DACH1: variants seen among roughly 807,000 people sequenced by gnomAD.
The protein encoded by DACH1 is dachshund homolog 1.
DACH1 carries 12 observed loss-of-function variants against 54.2 expected under a neutral mutation model. That is an observed-to-expected ratio of 0.22 (90% confidence interval 0.14 to 0.36). The LOEUF (loss-of-function observed/expected upper bound fraction) is 0.36. Among genes scored for constraint, DACH1 ranks in the 10% least tolerant of loss-of-function variants. The pLI, the probability that DACH1 is intolerant of heterozygous loss-of-function variation, is 1.00. For synonymous variants in DACH1, 386 were observed against 366.2 expected, an observed-to-expected ratio of 1.05 and a Z score of -0.62; for missense variants, 805 against 929.8, an observed-to-expected ratio of 0.87 and a Z score of 1.75.
intron 2 of DACH1, among the ~76,000 whole-genome samples, chr13:71,677,912 G>T (rs893633151): frequency 6.6e-6 from 1 of 152,178 alleles, no homozygotes; most frequent in East Asian, 1.9e-4. Flanking sequence ...TAGAGATGGG[G>T]TTTCACCATG....
chr13:71,807,285 T>C (rs1246258103), intron 1 of DACH1, among the ~76,000 whole-genome samples: 1 of 152,144 alleles, frequency 6.6e-6, no homozygotes, highest in African/African-American at 2.4e-5. Context: ...CATTATTTGC[T>C]AATATATTTA....
intron 6 of DACH1, among the ~76,000 whole-genome samples, chr13:71,496,293 A>ATGTATATATGTATATATG (rs1199715818): frequency 6.1e-5 from 8 of 130,134 alleles, no homozygotes; most frequent in African/African-American, 2.3e-4. Context: ...ATATATATAT[A>ATGTATATATGTATATATG]TATATATATA....
chr13:71,495,736 G>T (rs924955259), intron 6 of DACH1, among the ~76,000 whole-genome samples: 6 of 151,962 alleles, frequency 3.9e-5, no homozygotes, highest in African/African-American at 1.5e-4. Context: ...CAACCTCTAT[G>T]GAAAACAGTA....
chr13:71,656,049 GT>G lies in DACH1; in HGVS notation c.965-25333del, dbSNP rs1172276650. ...ATACTTCAAAGGTTATCATTAGCAA[GT>G]TTTTTAAAGTAAGTTATTTGGGATT... is the stretch of plus-strand genomic sequence containing the variant. On this transcript the variant is annotated intron_variant, in intron 2 of 10. Transcript: ENST00000613252. 5.3e-5 allele frequency among the ~76,000 whole-genome samples: 8 copies of G among 152,332 alleles called. No homozygotes were observed. In the East Asian group the frequency reaches 1.5e-3, roughly 29 times the overall value.
intron 1 of DACH1, among the ~76,000 whole-genome samples, chr13:71,693,888 G>A (rs1881667610): frequency 6.6e-6 from 1 of 152,010 alleles, no homozygotes; most frequent in Non-Finnish European, 1.5e-5. Context: ...AGCAACCATG[G>A]GGGGTCTTGG....
chr13:71,612,165 T>C (rs1237648309), intron 3 of DACH1, among the ~76,000 whole-genome samples: 1 of 152,106 alleles, frequency 6.6e-6, no homozygotes, highest in Non-Finnish European at 1.5e-5. Context: ...GTGTTATGAG[T>C]TATGGCCACA....
intron 1 of DACH1, among the ~76,000 whole-genome samples, chr13:71,791,094 T>A (rs1000520144): frequency 6.6e-6 from 1 of 152,192 alleles, no homozygotes; most frequent in Non-Finnish European, 1.5e-5. Context: ...AGATAGCATT[T>A]CTGTGTATTA....
Position 71,440,662 on chromosome 13 carries a change from A to G in DACH1, c.2114T>C (p.Met705Thr), listed in dbSNP as rs1173370558. ...DGRLYLKTTV[M>T]Y ...TTCTTCAACAGGAAAGATTCAGTACATGACAGTAGTTTTCAAATACAGTCT... is the reference window on the plus strand; with the variant it reads ...TTCTTCAACAGGAAAGATTCAGTACGTGACAGTAGTTTTCAAATACAGTCT... The change falls in exon 11 of 11, where the codon ATG (methionine) becomes ACG (threonine). Residue 705 changes from methionine to threonine, a missense_variant. Physicochemically the swap from Met to Thr is moderately conservative, Grantham distance 81 (BLOSUM62 -1). Coordinates refer to ENST00000613252, the MANE Select transcript of DACH1 (RefSeq NM_080759.6). 1.9e-6 allele frequency: 3 copies of G among 1,604,656 alleles called. No homozygotes were observed. Among genetic ancestry groups the G allele is most frequent in the East Asian group, 2.2e-5 (1 of 44,446 alleles).
intron 1 of DACH1, among the ~76,000 whole-genome samples, chr13:71,787,413 A>G (rs1228136127): frequency 6.6e-6 from 1 of 152,188 alleles, no homozygotes; most frequent in African/African-American, 2.4e-5. Context: ...TATTTTTTAC[A>G]TCTTTAGTTA....
At chr13:71,805,731 G>A (rs953683632) in intron 1 of DACH1, among the ~76,000 whole-genome samples, 3 of 152,090 alleles carry the variant, frequency 2.0e-5, no homozygotes, top group Non-Finnish European at 4.4e-5. Flanking sequence ...TTAGGAGGAG[G>A]TTTTATTTTA....
intron 3 of DACH1, among the ~76,000 whole-genome samples, chr13:71,623,451 A>G (rs1876395084): frequency 6.6e-6 from 1 of 151,828 alleles, no homozygotes; most frequent in African/African-American, 2.4e-5. Flanking sequence ...AAGGATACAT[A>G]GTACCAAGGT....
chr13:71,486,832 C>T lies in DACH1; in HGVS notation c.1722+2165G>A, dbSNP rs1162451352. ...TTTATTTATCTATCTATCTATCTAT[C>T]TATCTATCTATCTATCTATCTATCT... On this transcript the variant is annotated intron_variant, in intron 7 of 10. Transcript: ENST00000613252. 2.8e-3 allele frequency among the ~76,000 whole-genome samples: 396 copies of T among 143,690 alleles called. 2 individuals carry two copies. The East Asian group carries it at 0.031, about 11-fold the overall frequency. The allele number at this position is 143,690 out of a possible 152,430, so 94.3% of individuals were successfully genotyped here.
chr13:71,794,727 C>T (rs550602886), intron 1 of DACH1, among the ~76,000 whole-genome samples: 4 of 152,208 alleles, frequency 2.6e-5, no homozygotes, highest in East Asian at 1.9e-4. Context: ...CGTGAGCCAC[C>T]GCACCCAACA....
intron 1 of DACH1, among the ~76,000 whole-genome samples, chr13:71,849,901 G>C (rs1005922925): frequency 6.6e-6 from 1 of 151,998 alleles, no homozygotes; most frequent in Non-Finnish European, 1.5e-5. Context: ...TGTAATTATG[G>C]TGCCTAACTA....
intron 6 of DACH1, among the ~76,000 whole-genome samples, chr13:71,545,352 G>T (rs1038841942): frequency 6.6e-6 from 1 of 151,826 alleles, no homozygotes; most frequent in African/African-American, 2.4e-5. Flanking sequence ...GTGTTATTAT[G>T]GAATGGATAA....
At chr13:71,759,546 T>C (rs1885314077) in intron 1 of DACH1, among the ~76,000 whole-genome samples, 1 of 152,196 alleles carries the variant, frequency 6.6e-6, no homozygotes, top group African/African-American at 2.4e-5. Flanking sequence ...GTTCTGGGAA[T>C]TTAAAGTTTA....
intron 1 of DACH1, among the ~76,000 whole-genome samples, chr13:71,857,036 T>A (rs970927057): frequency 2.6e-5 from 4 of 151,782 alleles, no homozygotes; most frequent in Non-Finnish European, 4.4e-5. Flanking sequence ...AATAAACCAA[T>A]AAAAGAAAGA....
chr13:71,834,086 C>T (rs1049131521), intron 1 of DACH1, among the ~76,000 whole-genome samples: 1 of 151,924 alleles, frequency 6.6e-6, no homozygotes, highest in African/African-American at 2.4e-5. Context: ...AGGTAACCTA[C>T]CATTTACCTT....
At chr13:71,808,314 C>T (rs749723293) in intron 1 of DACH1, among the ~76,000 whole-genome samples, 12 of 152,038 alleles carry the variant, frequency 7.9e-5, no homozygotes, top group Admixed American at 1.3e-4. Context: ...TTCCACAAAC[C>T]TGTTTCTGTG....
Sources: gnomAD v4.1 joint callset for allele counts (sites outside exome capture counted in the v4.1 genomes callset) on GRCh38, gnomAD v4.1.1 for gene constraint, MANE v1.5 for transcripts, NCBI Gene and HGNC (gene_info 2026-07-23, HGNC 2026-07-21) for gene names.